Variants in ATP2B3 observed in about 807,000 individuals in gnomAD.
ATP2B3 encodes the protein plasma membrane calcium-transporting ATPase 3.
Under a neutral mutation model 70.8 loss-of-function variants are expected in ATP2B3, and 12 were observed. The observed-to-expected ratio is 0.17, with a 90% CI of 0.11 to 0.27. ATP2B3 has a LOEUF of 0.27. Among genes scored for constraint, ATP2B3 ranks in the 10% least tolerant of loss-of-function variants. The pLI is 1.00. For missense variants in ATP2B3, 858 were observed against 1,118.5 expected, an observed-to-expected ratio of 0.77 and a Z score of 3.32; for synonymous variants, 460 against 497.8, an observed-to-expected ratio of 0.92 and a Z score of 1.01.
chrX:153,550,156 A>G lies in ATP2B3; in HGVS notation c.1693A>G (p.Ile565Val). The change falls in exon 12 of 22, where the codon ATC (isoleucine) becomes GTC (valine). Residue 565 changes from isoleucine (I) to valine (V), a missense_variant. Ile to Val is a conservative substitution (Grantham distance 29). Transcript: ENST00000263519. ...GGACTTCCAGCCCGTGCGCGAGCAG[A>G]TCCCGGAAGACAAGCTTTACAAAGT... is the stretch of plus-strand genomic sequence containing the variant. The part of the protein sequence containing the change: ...KRDFQPVREQ[I>V]PEDKLYKVYT... 8.2e-7 allele frequency: 1 copy of G among 1,212,437 alleles called. No homozygotes were observed. Among genetic ancestry groups the G allele is most frequent in the Non-Finnish European group, 1.1e-6 (1 of 895,666 alleles).
chrX:153,547,698 G>C (rs1386438721), intron 8 of ATP2B3, 137 bp from the exon 9 acceptor site: 11 of 798,443 alleles, frequency 1.4e-5, no homozygotes, highest in Admixed American at 4.4e-5. Context: ...GAAGCTGATA[G>C]ACTTGGAAAT....
intron 2 of ATP2B3, among the ~76,000 whole-genome samples, chrX:153,535,912 G>A (rs781881058): frequency 1.8e-5 from 2 of 113,022 alleles, no homozygotes; most frequent in South Asian, 7.2e-4. Context: ...TCCAGGTTCT[G>A]GGCACCCATG....
In ATP2B3 at chrX:153,541,874, C is replaced by T. The variant is rs782795062; in HGVS notation, c.612C>T (p.Leu204=). 3.8e-5 allele frequency: 46 copies of T among 1,209,666 alleles called. No homozygotes were observed. The highest frequency in any genetic ancestry group is 4.9e-5 in the Non-Finnish European group (44 of 895,150). ...CGGTCATCCGGAACGGGCAGCTCCT[C>T]CAGGTCCCCGTGGCTGCGCTGGTGG... ...KFTVIRNGQL[L]QVPVAALVVG... Residue 204 remains leucine (L), a synonymous_variant, in exon 5 of 22, where the codon CTC becomes CTT. Transcript: ENST00000263519.
rs782403606 is a variant in ATP2B3 at position 153,556,844 on chromosome X, T to C, written c.2327-73T>C. On this transcript the variant is annotated intron_variant, in intron 15 of 21. Coordinates refer to ENST00000263519, the MANE Select transcript of ATP2B3 (RefSeq NM_001001344.3). ...TTCACAGCCAACCTACCCCCATAGC[T>C]CCCTGGGCAGGGCTACACAGGGTTG... 26 of 1,057,836 alleles carry C rather than the reference T, an allele frequency of 2.5e-5. No homozygotes were observed. The African/African-American group carries it at 4.5e-4, about 18-fold the overall frequency. The allele number at this position is 1,057,836 out of a possible 1,213,427, so 87.2% of individuals were successfully genotyped here.
chrX:153,537,235 G>GCCCAGC (rs1569533862), intron 3 of ATP2B3, among the ~76,000 whole-genome samples: 3 of 113,473 alleles, frequency 2.6e-5, no homozygotes, highest in African/African-American at 9.6e-5. Flanking sequence ...CAGGAGCCAG[G>GCCCAGC]CCCAGCCCCA....
At chrX:153,522,952 T>C (rs1455872394) in intron 2 of ATP2B3, among the ~76,000 whole-genome samples, 2 of 110,940 alleles carry the variant, frequency 1.8e-5, no homozygotes, top group East Asian at 5.6e-4. Context: ...TAATATGCTC[T>C]CTATAGGAAA....
chrX:153,537,860 A>G (rs2090216090), intron 3 of ATP2B3, among the ~76,000 whole-genome samples: 1 of 112,467 alleles, frequency 8.9e-6, no homozygotes, highest in African/African-American at 3.2e-5. Flanking sequence ...TTAAAATGTC[A>G]AGGCCCCTGG....
At chrX:153,554,713 T>C (rs1569534935) in intron 13 of ATP2B3, among the ~76,000 whole-genome samples, 2 of 112,573 alleles carry the variant, frequency 1.8e-5, no homozygotes, top group South Asian at 3.7e-4. Flanking sequence ...TGGGGAGCCA[T>C]AGGAAGCCTG....
chrX:153,521,925 G>A (rs138710952), intron 2 of ATP2B3, among the ~76,000 whole-genome samples: 80 of 112,081 alleles, frequency 7.1e-4, no homozygotes, highest in African/African-American at 2.6e-3. Flanking sequence ...TCCTCACACG[G>A]ACCCTGAAGC....
chrX:153,549,398 C>G, intron 10 of ATP2B3, 99 bp from the exon 11 acceptor site: 1 of 1,176,523 alleles, frequency 8.5e-7, no homozygotes, highest in South Asian at 1.9e-5. Context: ...GTGGAGCTAG[C>G]TGAGCAGAAC....
chrX:153,542,376 G>A lies in ATP2B3; in HGVS notation c.718G>A (p.Asp240Asn), dbSNP rs782363389. The A allele has an allele frequency of 9.1e-6, 11 of 1,210,299 alleles. No individual in the cohort carries two copies. Among genetic ancestry groups the A allele is most frequent in the East Asian group, 3.0e-5 (1 of 33,765 alleles). Residue 240 changes from aspartate (D) to asparagine (N), a missense_variant, in exon 6 of 22, where the codon GAC (aspartate) becomes AAC (asparagine). Physicochemically the swap from Asp to Asn is conservative, Grantham distance 23. This residue lies in a region of ATP2B3 where 278 missense variants were observed against 366.2 expected (regional missense o/e 0.76). Transcript: ENST00000263519. ...CATCCAGGCCAATGACCTCAAGATC[G>A]ACGAGAGCTCCCTGACGGGCGAGTC... ...VLIQANDLKI[D>N]ESSLTGESDH...
chrX:153,545,632 C>T (rs2090353621), intron 7 of ATP2B3, among the ~76,000 whole-genome samples: 2 of 112,804 alleles, frequency 1.8e-5, no homozygotes, highest in South Asian at 7.3e-4. Context: ...CACACACACA[C>T]TGAGCTAACT....
chrX:153,548,893 C>T (rs1044866245), intron 10 of ATP2B3, 39 bp downstream of exon 10: 6 of 1,161,734 alleles, frequency 5.2e-6, no homozygotes, highest in South Asian at 3.7e-5. Context: ...TTTACAGACT[C>T]GGAAACTGGG....
chrX:153,556,491 G>C, intron 15 of ATP2B3, 73 bp downstream of exon 15: 3 of 1,073,389 alleles, frequency 2.8e-6, no homozygotes, highest in Non-Finnish European at 3.8e-6. Flanking sequence ...CCAAAAGCCA[G>C]GTTCCCAAAC....
intron 2 of ATP2B3, among the ~76,000 whole-genome samples, 193 bp from the exon 3 acceptor site, chrX:153,535,929 A>G (rs1011513296): frequency 2.7e-5 from 3 of 112,997 alleles, no homozygotes; most frequent in Non-Finnish European, 5.6e-5. Context: ...CATGGTGGGC[A>G]GGACCCGGGA....
chrX:153,530,707 T>A (rs2090103277), intron 2 of ATP2B3, among the ~76,000 whole-genome samples: 1 of 107,755 alleles, frequency 9.3e-6, no homozygotes, highest in Non-Finnish European at 1.9e-5. Context: ...GGCGCCATGG[T>A]GATGGCTATT....
chrX:153,549,961 C>T (rs944081359), intron 11 of ATP2B3, 84 bp from the exon 12 acceptor site: 1 of 1,164,146 alleles, frequency 8.6e-7, no homozygotes, highest in Non-Finnish European at 1.1e-6. Flanking sequence ...GTGGTGACCA[C>T]GAGGGGGCAG....
intron 3 of ATP2B3, among the ~76,000 whole-genome samples, chrX:153,539,828 G>A (rs2090253359): frequency 8.8e-6 from 1 of 113,250 alleles, no homozygotes; most frequent in African/African-American, 3.2e-5. Context: ...AGGTGGCTGA[G>A]TGGGTGTCCA....
At chrX:153,569,881 T>A in intron 21 of ATP2B3, 1 of 797,180 alleles carries the variant, frequency 1.3e-6, no homozygotes. Context: ...GTTCTTTCTT[T>A]ACCGCCCTGT....
Sources: gnomAD v4.1 joint callset for allele counts (sites outside exome capture counted in the v4.1 genomes callset) on GRCh38, gnomAD v4.1.1 for gene constraint, gnomAD v4.1.1 regional missense constraint, MANE v1.5 for transcripts, NCBI Gene and HGNC (gene_info 2026-07-23, HGNC 2026-07-21) for gene names.